Variants in DPYD observed in about 807,000 individuals in gnomAD.
The protein encoded by DPYD is dihydropyrimidine dehydrogenase [NADP(+)].
Under a neutral mutation model 116.2 loss-of-function variants are expected in DPYD, and 109 were observed. The ratio of observed to expected loss-of-function variants is 0.94; its 90% CI spans 0.80 to 1.10. The LOEUF (loss-of-function observed/expected upper bound fraction) is 1.10. Ranked by LOEUF, DPYD falls within the 50% of genes least tolerant of loss-of-function variation. The pLI is 0.00. For synonymous variants in DPYD, 440 were observed against 432.0 expected (o/e 1.02, Z -0.23); for missense variants, 1,302 against 1,254.5 (o/e 1.04, Z -0.57).
At chr1:97,549,430 A>G in intron 12 of DPYD, 130 bp downstream of exon 12, 1 of 1,029,206 alleles carries the variant, frequency 9.7e-7, no homozygotes, top group Non-Finnish European at 1.5e-6. Context: ...GTATCCAAGT[A>G]TGTACGTGAC....
chr1:97,842,085 T>C (rs886234994), intron 2 of DPYD, among the ~76,000 whole-genome samples: 3 of 151,922 alleles, frequency 2.0e-5, no homozygotes, highest in Non-Finnish European at 2.9e-5. Context: ...TTTTTTACTA[T>C]TAGTGGAATT....
chr1:97,292,387 T>C (rs902772581), intron 18 of DPYD, among the ~76,000 whole-genome samples: 3 of 152,154 alleles, frequency 2.0e-5, no homozygotes, highest in Non-Finnish European at 2.9e-5. Flanking sequence ...CTTCACGTGT[T>C]GGCAGCAAGG....
At position 97,274,812 on chromosome 1, in the gene DPYD, TA is replaced by T. The variant is rs550858567; in HGVS notation, c.2299+30446del. Among the ~76,000 whole-genome samples the T allele has an allele frequency of 4.1e-4, 63 of 152,274 alleles. 1 individual carries two copies. In the Middle Eastern group the frequency reaches 0.014, roughly 33 times the overall value. The stretch of plus-strand genomic sequence containing the variant: ...GTGCTGGTTGGTAACCATTGTATCC[TA>T]GTGTGTGGGTCTAGGGATCAGTTAT... On this transcript the variant is annotated intron_variant, in intron 18 of 22. Transcript: ENST00000370192.
intron 3 of DPYD, among the ~76,000 whole-genome samples, chr1:97,803,650 T>C (rs910801120): frequency 6.6e-6 from 1 of 151,890 alleles, no homozygotes. Flanking sequence ...ACAGCATATA[T>C]TTCATTATTA....
intron 15 of DPYD, among the ~76,000 whole-genome samples, chr1:97,374,695 G>GTT (rs199862791): frequency 0.021 from 2,657 of 124,344 alleles, 99 homozygotes; most frequent in African/African-American, 0.08. Context: ...CTCCAGCCTG[G>GTT]GAAAGAGCAA....
At chr1:97,813,511 T>C (rs1262907659) in intron 3 of DPYD, among the ~76,000 whole-genome samples, 3 of 152,126 alleles carry the variant, frequency 2.0e-5, no homozygotes, top group Non-Finnish European at 2.9e-5. Context: ...TCCTGAAAGA[T>C]AGAGAAAGAT....
At chr1:97,322,113 T>A (rs1156978577) in intron 16 of DPYD, among the ~76,000 whole-genome samples, 2 of 125,044 alleles carry the variant, frequency 1.6e-5, no homozygotes, top group African/African-American at 5.9e-5. Flanking sequence ...AGGGATAGCA[T>A]TGGGAGATAT....
chr1:97,148,253 TG>T (rs58371356), intron 20 of DPYD, among the ~76,000 whole-genome samples: 7,436 of 62,264 alleles, frequency 0.12, 532 homozygotes, highest in African/African-American at 0.34. Context: ...TGTGTGTGTG[TG>T]GGGGGGGTGT....
intron 2 of DPYD, among the ~76,000 whole-genome samples, chr1:97,866,916 T>G (rs888238325): frequency 6.6e-6 from 1 of 151,760 alleles, no homozygotes; most frequent in African/African-American, 2.4e-5. Flanking sequence ...ACTAGGAGCC[T>G]GGGAAAACAA....
At chr1:97,653,107 C>T (rs1293808298) in intron 8 of DPYD, among the ~76,000 whole-genome samples, 2 of 152,092 alleles carry the variant, frequency 1.3e-5, no homozygotes, top group East Asian at 1.9e-4. Context: ...CTTTGTACGT[C>T]ACTACAATAA....
chr1:97,239,622 T>C (rs1662190873), intron 18 of DPYD, among the ~76,000 whole-genome samples: 2 of 152,092 alleles, frequency 1.3e-5, no homozygotes, highest in Non-Finnish European at 2.9e-5. Flanking sequence ...TTAGAAACAA[T>C]TCACATTTGT....
At chr1:97,322,271 G>A (rs1668335683) in intron 16 of DPYD, among the ~76,000 whole-genome samples, 1 of 136,436 alleles carries the variant, frequency 7.3e-6, no homozygotes, top group Admixed American at 8.3e-5. Context: ...AAAGGAATTA[G>A]GAAGGGAAAA....
At chr1:97,576,531 T>C (rs571169285) in intron 10 of DPYD, among the ~76,000 whole-genome samples, 42 of 152,278 alleles carry the variant, frequency 2.8e-4, no homozygotes, top group Admixed American at 2.3e-3. Flanking sequence ...AACAAAAAAT[T>C]GGACATGACT....
chr1:97,699,268 TATG>T, intron 6 of DPYD, 80 bp downstream of exon 6: 2 of 1,370,182 alleles, frequency 1.5e-6, no homozygotes, highest in African/African-American at 1.4e-5. Context: ...GAAGTTCCTA[TATG>T]ATTATGAACC....
At chr1:97,919,970 G>A (rs936408392) in intron 1 of DPYD, among the ~76,000 whole-genome samples, 5 of 152,068 alleles carry the variant, frequency 3.3e-5, no homozygotes, top group African/African-American at 9.7e-5. Flanking sequence ...AAGGACTGAC[G>A]AAAGGAAAAT....
At chr1:97,720,290 T>C in intron 5 of DPYD, 1 of 985,510 alleles carries the variant, frequency 1.0e-6, no homozygotes, top group Non-Finnish European at 1.2e-6. Context: ...TATGTGACCT[T>C]TCACTTACTG....
At chr1:97,530,666 T>C (rs148673319) in intron 12 of DPYD, among the ~76,000 whole-genome samples, 221 of 152,354 alleles carry the variant, frequency 1.5e-3, no homozygotes, top group Non-Finnish European at 2.5e-3. Context: ...TTGGATCATA[T>C]GATAGTTCTA....
chr1:97,078,850 A>C lies in DPYD; in HGVS notation c.*126T>G. ...ACTTACAAATGTATTTTGAAATTAC[A>C]TATTTTTATTTAGAAAATGTATATT... On this transcript the variant is annotated 3_prime_UTR_variant, in exon 23 of 23. Coordinates refer to ENST00000370192, the MANE Select transcript of DPYD (RefSeq NM_000110.4). 8.7e-7 allele frequency: 1 copy of C among 1,149,046 alleles called. No homozygotes were observed. The highest frequency in any genetic ancestry group is 1.3e-6 in the Non-Finnish European group (1 of 781,756). 71.2% of individuals were successfully genotyped at this position (1,149,046 alleles called of 1,614,324 possible). A position where few individuals can be genotyped will look rare whatever the true frequency, so the allele number is the denominator to read the frequency against.
chr1:97,884,512 T>C (rs780556519), intron 1 of DPYD, among the ~76,000 whole-genome samples: 7 of 152,094 alleles, frequency 4.6e-5, no homozygotes, highest in Non-Finnish European at 1.0e-4. Context: ...TGGAAATTAA[T>C]GGAGGAAGAT....
Sources: gnomAD v4.1 joint callset for allele counts (sites outside exome capture counted in the v4.1 genomes callset) on GRCh38, gnomAD v4.1.1 for gene constraint, MANE v1.5 for transcripts, NCBI Gene and HGNC (gene_info 2026-07-23, HGNC 2026-07-21) for gene names.